The following SPPL3 variants were observed in gnomAD, a reference collection of about 807,000 sequenced individuals.
SPPL3 encodes the protein signal peptide peptidase like 3.
Under a neutral mutation model 42.4 loss-of-function variants are expected in SPPL3, and 5 were observed. The ratio of observed to expected loss-of-function variants is 0.12; its 90% confidence interval spans 0.06 to 0.25. The LOEUF is 0.25. Ranked by LOEUF, SPPL3 falls within the 10% of genes least tolerant of loss-of-function variation. SPPL3 has a pLI of 1.00. For missense variants in SPPL3, 235 were observed against 489.0 expected (o/e 0.48, Z 4.90); for synonymous variants, 195 against 181.8 (o/e 1.07, Z -0.58).
intron 1 of SPPL3, among the ~76,000 whole-genome samples, chr12:120,878,798 T>C (rs184813418): frequency 7.9e-5 from 12 of 152,240 alleles, no homozygotes; most frequent in Admixed American, 4.6e-4. Context: ...GCTACAGCCT[T>C]GCATTCCTTG....
rs544598940 is a variant in SPPL3 at position 120,779,641 on chromosome 12, A to G, written c.502+3014T>C. Among the ~76,000 whole-genome samples the G allele has an allele frequency of 7.9e-5, 12 of 152,134 alleles. No homozygotes were observed. In the South Asian group the frequency reaches 2.1e-3, roughly 26 times the overall value. On this transcript the variant is annotated intron_variant, in intron 6 of 10. Transcript: ENST00000353487. ...AGCAGTTAGATAAAAATTTTTTGAG[A>G]TTACAAAAGTGAACTGTGGAAATGT...
Position 120,904,041 on chromosome 12 carries a change from T to A in SPPL3, c.-174A>T. On this transcript the variant is annotated 5_prime_UTR_variant, in exon 1 of 11. Coordinates refer to ENST00000353487, the MANE Select transcript of SPPL3 (RefSeq NM_139015.5). ...GGCGGCTGGCGGGGAGAGGCCGGGC[T>A]CCGAAGCGGCCCCGCTCCCTGGGCC... 2.4e-6 allele frequency: 1 copy of A among 421,188 alleles called. No homozygotes were observed. Among genetic ancestry groups the A allele is most frequent in the Non-Finnish European group, 3.8e-6 (1 of 262,212 alleles). The allele number at this position is 421,188 out of a possible 1,614,324, so 26.1% of individuals were successfully genotyped here.
chr12:120,798,304 A>G (rs574664337), intron 2 of SPPL3, among the ~76,000 whole-genome samples: 7 of 152,194 alleles, frequency 4.6e-5, no homozygotes, highest in Non-Finnish European at 1.0e-4. Flanking sequence ...CCATCAGAGG[A>G]AGACACATTA....
At chr12:120,794,520 C>T (rs756117235) in intron 2 of SPPL3, among the ~76,000 whole-genome samples, 3 of 152,148 alleles carry the variant, frequency 2.0e-5, no homozygotes, top group Non-Finnish European at 4.4e-5. Context: ...GCCTCAGCCT[C>T]CCGAGTAGCT....
At chr12:120,809,977 A>AC (rs1555249454) in intron 2 of SPPL3, among the ~76,000 whole-genome samples, 2 of 148,420 alleles carry the variant, frequency 1.3e-5, no homozygotes, top group Non-Finnish European at 3.0e-5. Context: ...ACATAAAAAA[A>AC]TTTTTTTTTT....
chr12:120,867,208 A>G (rs1411654791), intron 1 of SPPL3, among the ~76,000 whole-genome samples: 1 of 152,220 alleles, frequency 6.6e-6, no homozygotes, highest in East Asian at 1.9e-4. Flanking sequence ...CTTAAAATTC[A>G]GCCATGTGTA....
At chr12:120,797,392 C>T (rs959251943) in intron 2 of SPPL3, among the ~76,000 whole-genome samples, 1 of 151,968 alleles carries the variant, frequency 6.6e-6, no homozygotes, top group Admixed American at 6.6e-5. Flanking sequence ...GATAGTTTGA[C>T]GGGAAAATAA....
chr12:120,780,912 C>A (rs12816462), intron 6 of SPPL3, among the ~76,000 whole-genome samples: 1 of 151,806 alleles, frequency 6.6e-6, no homozygotes, highest in African/African-American at 2.4e-5. Flanking sequence ...CTCCCTCCCC[C>A]AAAAAAAGGT....
chr12:120,859,205 A>T (rs1231211875), intron 1 of SPPL3, among the ~76,000 whole-genome samples: 1 of 152,066 alleles, frequency 6.6e-6, no homozygotes, highest in Non-Finnish European at 1.5e-5. Context: ...GAATATTTGT[A>T]TTATACTTAC....
At chr12:120,779,894 A>G (rs1274438708) in intron 6 of SPPL3, among the ~76,000 whole-genome samples, 1 of 148,072 alleles carries the variant, frequency 6.8e-6, no homozygotes, top group East Asian at 2.0e-4. Flanking sequence ...GTTACTCAGG[A>G]GGCTGAGGCA....
intron 1 of SPPL3, among the ~76,000 whole-genome samples, chr12:120,873,435 A>C (rs1476759178): frequency 6.6e-6 from 1 of 152,212 alleles, no homozygotes; most frequent in African/African-American, 2.4e-5. Flanking sequence ...AAACTCACAG[A>C]TCTAAGAAAC....
chr12:120,766,487 T>C (rs1566035912), intron 9 of SPPL3, 115 bp from the exon 10 acceptor site: 1 of 797,618 alleles, frequency 1.3e-6, no homozygotes, highest in Non-Finnish European at 1.9e-6. Context: ...CATTCTATGG[T>C]TGGGGTGTGA....
At chr12:120,868,482 G>GT (rs1566065253) in intron 1 of SPPL3, among the ~76,000 whole-genome samples, 5 of 151,608 alleles carry the variant, frequency 3.3e-5, no homozygotes, top group Non-Finnish European at 5.9e-5. Context: ...TTTTGTTTTT[G>GT]TTTTATTTGT....
intron 3 of SPPL3, among the ~76,000 whole-genome samples, chr12:120,790,854 C>T (rs1164635235): frequency 2.0e-5 from 3 of 148,096 alleles, no homozygotes; most frequent in African/African-American, 7.5e-5. Context: ...CGGAGTTTCG[C>T]TCTTGTTGCC....
At chr12:120,879,459 T>C (rs1226756744) in intron 1 of SPPL3, among the ~76,000 whole-genome samples, 1 of 152,136 alleles carries the variant, frequency 6.6e-6, no homozygotes, top group African/African-American at 2.4e-5. Context: ...AAAGGAGAAC[T>C]GTTCCAGGTA....
intron 1 of SPPL3, among the ~76,000 whole-genome samples, chr12:120,855,270 T>C (rs182967499): frequency 6.6e-6 from 1 of 152,192 alleles, no homozygotes; most frequent in African/African-American, 2.4e-5. Flanking sequence ...TTTCCTGGCA[T>C]TTTCCAACTA....
chr12:120,837,060 C>T (rs1189889412), intron 1 of SPPL3, among the ~76,000 whole-genome samples: 1 of 152,008 alleles, frequency 6.6e-6, no homozygotes, highest in Non-Finnish European at 1.5e-5. Flanking sequence ...CATTAAGCTA[C>T]TAGGTTTTGC....
At chr12:120,777,955 G>A (rs1869387169) in intron 6 of SPPL3, among the ~76,000 whole-genome samples, 1 of 152,028 alleles carries the variant, frequency 6.6e-6, no homozygotes. Flanking sequence ...AGTCTAGAGG[G>A]TAACTTGGTC....
intron 1 of SPPL3, among the ~76,000 whole-genome samples, chr12:120,819,733 C>T (rs934321587): frequency 6.6e-6 from 1 of 152,084 alleles, no homozygotes; most frequent in African/African-American, 2.4e-5. Flanking sequence ...TAAAAATTTC[C>T]ATTTTATCAC....
Sources: gnomAD v4.1 joint callset for allele counts (sites outside exome capture counted in the v4.1 genomes callset) on GRCh38, gnomAD v4.1.1 for gene constraint, MANE v1.5 for transcripts, NCBI Gene and HGNC (gene_info 2026-07-23, HGNC 2026-07-21) for gene names.